ZIC4: variants seen among roughly 807,000 people sequenced by gnomAD.
ZIC4 encodes the protein Zic family zinc finger 4.
Under a neutral mutation model 28.8 loss-of-function variants are expected in ZIC4, and 15 were observed. The ratio of observed to expected loss-of-function variants is 0.52; its 90% CI spans 0.35 to 0.80. The LOEUF (loss-of-function observed/expected upper bound fraction) is 0.80. ZIC4 is among the 30% of genes least tolerant of loss of function. The probability of loss-of-function intolerance (pLI) is 0.01; values close to 1 mark genes in which losing one functional copy is unlikely to be tolerated. For synonymous variants in ZIC4, 220 were observed against 198.1 expected, an observed-to-expected ratio of 1.11 and a Z score of -0.93; for missense variants, 512 against 467.1, an observed-to-expected ratio of 1.10 and a Z score of -0.89.
intron 2 of ZIC4, chr3:147,397,252 C>A (rs1190595144): frequency 6.6e-6 from 1 of 152,236 alleles, no homozygotes; most frequent in East Asian, 1.9e-4. Flanking sequence ...CAGAGAGGAA[C>A]AATCGCCTGG....
At chr3:147,404,191 C>T in intron 1 of ZIC4, 2 of 1,486,216 alleles carry the variant, frequency 1.3e-6, no homozygotes, top group South Asian at 1.4e-5. Context: ...TACTCTTTTG[C>T]TTCTGGGGGA....
chr3:147,393,778 C>T, intron 3 of ZIC4: 1 of 415,240 alleles, frequency 2.4e-6, no homozygotes, highest in Non-Finnish European at 4.8e-6. Flanking sequence ...CGGCCCCGGC[C>T]GAGGGGTCCC....
intron 2 of ZIC4, among the ~76,000 whole-genome samples, chr3:147,398,477 C>G (rs979359496): frequency 2.0e-5 from 3 of 147,960 alleles, no homozygotes; most frequent in Non-Finnish European, 4.4e-5. Flanking sequence ...AACTTAAGTT[C>G]TGGCTCAGTC....
At chr3:147,405,552 C>T (rs1175475642) in intron 1 of ZIC4, 5 of 1,427,100 alleles carry the variant, frequency 3.5e-6, no homozygotes, top group African/African-American at 1.4e-5. Flanking sequence ...CTCATTGGCC[C>T]CTAATTTCCA....
intron 1 of ZIC4, chr3:147,404,160 T>C (rs1383537564): frequency 1.1e-5 from 16 of 1,523,204 alleles, no homozygotes; most frequent in Non-Finnish European, 1.4e-5. Context: ...AAAGTCCTGG[T>C]TGGTTGGCAA....
intron 3 of ZIC4, among the ~76,000 whole-genome samples, chr3:147,395,353 C>A (rs902945546): frequency 6.6e-6 from 1 of 152,080 alleles, no homozygotes; most frequent in Non-Finnish European, 1.5e-5. Flanking sequence ...CACCAAGGCT[C>A]AAAAATACGT....
chr3:147,404,089 AG>A, intron 1 of ZIC4: 1 of 1,536,956 alleles, frequency 6.5e-7, no homozygotes. Context: ...TTCCTACAGA[AG>A]GGCGGCATGC....
rs1559956895 is a variant in ZIC4, at chr3:147,388,273, CG to C, written c.*585del. 6.5e-6 allele frequency: 1 copy of C among 153,026 alleles called. No individual in the cohort carries two copies. The allele number at this position is 153,026 out of a possible 1,614,324, so 9.5% of individuals were successfully genotyped here. A position where few individuals can be genotyped will look rare whatever the true frequency, so the allele number is the denominator to read the frequency against. On this transcript the variant is annotated 3_prime_UTR_variant, in exon 5 of 5. Transcript: ENST00000383075. The stretch of plus-strand genomic sequence containing the variant: ...GCGTATTTCCATGGCGAGCCTAACG[CG>C]GCATGCTGATGCACCGTCAAACTCA...
intron 4 of ZIC4, among the ~76,000 whole-genome samples, chr3:147,390,416 TG>T (rs890620923): frequency 2.1e-5 from 2 of 95,030 alleles, no homozygotes; most frequent in African/African-American, 8.0e-5. Flanking sequence ...AGGGTTAGAG[TG>T]GGGGTGGGAG....
rs550599152 is a variant in ZIC4 at position 147,389,040 on chromosome 3, A to C, written c.*-181T>G. 1.6e-4 allele frequency: 100 copies of C among 619,554 alleles called. 1 individual carries two copies. The highest frequency in any genetic ancestry group is 2.8e-4 in the Non-Finnish European group (95 of 341,810). The allele number at this position is 619,554 out of a possible 1,614,324, so 38.4% of individuals were successfully genotyped here. A position where few individuals can be genotyped will look rare whatever the true frequency, so the allele number is the denominator to read the frequency against. ...CATTGGCAGAAGCAGCAAGTTCCGCAAATGCCCTCTGCACCTTAGTGGTGG... is the reference window on the plus strand; with the variant it reads ...CATTGGCAGAAGCAGCAAGTTCCGCCAATGCCCTCTGCACCTTAGTGGTGG... On this transcript the variant is annotated intron_variant, in intron 4 of 4. Coordinates refer to ENST00000383075, the MANE Select transcript of ZIC4 (RefSeq NM_032153.6).
In ZIC4 at chr3:147,396,350, G is replaced by C. The variant is rs1006876526; in HGVS notation, c.190C>G (p.Arg64Gly). ...SPSRPLNGLL[R>G]LGLPGDMYAR... ...TACATGTCTCCAGGGAGCCCCAGAC[G>C]CAGGAGTCCATTCAAAGGACGGCTG... Residue 64 changes from arginine to glycine, a missense_variant, in exon 3 of 5, where the codon CGT becomes GGT. This residue lies in a region of ZIC4 where 310 missense variants were observed against 256.5 expected (regional missense o/e 1.21). Transcript: ENST00000383075. The surrounding 1 kb of genome is among the most constrained non-coding windows in gnomAD (Gnocchi z 4.2). 8 of 1,563,094 alleles carry C rather than the reference G, an allele frequency of 5.1e-6. No homozygotes were observed. In the African/African-American group the frequency reaches 1.1e-4, roughly 21 times the overall value.
intron 2 of ZIC4, among the ~76,000 whole-genome samples, chr3:147,397,416 A>C (rs1576461027): frequency 1.0e-4 from 13 of 125,228 alleles, no homozygotes; most frequent in East Asian, 2.3e-4. Context: ...TCCCTCCCTC[A>C]CCCCACCCCC....
Position 147,386,451 on chromosome 3 carries a change from A to T in ZIC4, c.*2408T>A, listed in dbSNP as rs757178842. ...TCATAAATTAGCAATATAAACAAAC[A>T]TATGGAGACCTTCAGTTAACAAATA... On this transcript the variant is annotated 3_prime_UTR_variant, in exon 5 of 5. Coordinates refer to ENST00000383075, the MANE Select transcript of ZIC4 (RefSeq NM_032153.6). The T allele has an allele frequency of 2.6e-5, 4 of 152,702 alleles. No individual in the cohort carries two copies. Among genetic ancestry groups the T allele is most frequent in the Non-Finnish European group, 4.4e-5 (3 of 68,052 alleles). The allele number at this position is 152,702 out of a possible 1,614,324, so 9.5% of individuals were successfully genotyped here.
intron 1 of ZIC4, chr3:147,404,306 T>C (rs550091437): frequency 1.4e-6 from 2 of 1,409,524 alleles, no homozygotes; most frequent in East Asian, 5.2e-5. Context: ...GTCAGCCTTT[T>C]GTGCACTACA....
In ZIC4 at chr3:147,396,558, C is replaced by G; in HGVS notation, c.71-89G>C. On this transcript the variant is annotated intron_variant, in intron 2 of 4. Coordinates refer to ENST00000383075, the MANE Select transcript of ZIC4 (RefSeq NM_032153.6). The surrounding 1 kb of genome is among the most constrained non-coding windows in gnomAD (Gnocchi z 4.2). ...CCCCGGGGGGCAGGCCCAGCCCTGC[C>G]GCACTACGGCCTCTGCAGTCAGCCG... 2.8e-6 allele frequency: 4 copies of G among 1,426,650 alleles called. No homozygotes were observed. The highest frequency in any genetic ancestry group is 3.7e-6 in the Non-Finnish European group (4 of 1,089,554). The allele number at this position is 1,426,650 out of a possible 1,614,324, so 88.4% of individuals were successfully genotyped here.
intron 3 of ZIC4, 140 bp downstream of exon 3, chr3:147,395,712 A>T: frequency 3.8e-6 from 5 of 1,331,378 alleles, no homozygotes; most frequent in Non-Finnish European, 5.1e-6. Context: ...GAAGCGCATA[A>T]TTAATATTTT....
rs2087025339 is a variant in ZIC4, at chr3:147,395,738, G to T, written c.688+114C>A. ...TTAATATTTTATGGCCTTGGCTCAT[G>T]GAAACAACCCCAAAATATTTCCCCC... On this transcript the variant is annotated intron_variant, in intron 3 of 4. Coordinates refer to ENST00000383075, the MANE Select transcript of ZIC4 (RefSeq NM_032153.6). 4 of 1,482,144 alleles carry T rather than the reference G, an allele frequency of 2.7e-6. No individual in the cohort carries two copies. The East Asian group carries it at 9.1e-5, about 34-fold the overall frequency. The allele number at this position is 1,482,144 out of a possible 1,614,324, so 91.8% of individuals were successfully genotyped here.
chr3:147,395,749 C>G, intron 3 of ZIC4, 103 bp downstream of exon 3: 1 of 1,505,598 alleles, frequency 6.6e-7, no homozygotes, highest in South Asian at 1.3e-5. Flanking sequence ...GAAACAACCC[C>G]AAAATATTTC....
At position 147,405,377 on chromosome 3, in the gene ZIC4, G is replaced by A. The variant is rs748810164; in HGVS notation, c.-16+986C>T. The A allele has an allele frequency of 1.3e-4, 194 of 1,536,070 alleles. No individual in the cohort carries two copies. Among genetic ancestry groups the A allele is most frequent in the Non-Finnish European group, 1.6e-4 (188 of 1,146,432 alleles). On this transcript the variant is annotated intron_variant, in intron 1 of 4. Coordinates refer to ENST00000383075, the MANE Select transcript of ZIC4 (RefSeq NM_032153.6). ...GGAAAGCGGGGAAAACATGACCTTG[G>A]AATCCAAAGGGAGTTTCCTGAAGAC...
Sources: allele counts gnomAD v4.1 joint callset (sites outside exome capture counted in the v4.1 genomes callset), GRCh38; gene constraint gnomAD v4.1.1; regional missense constraint gnomAD v4.1.1; non-coding constraint Gnocchi (gnomAD v3.1); transcripts MANE v1.5; gene names NCBI Gene and HGNC (gene_info 2026-07-23, HGNC 2026-07-21).